Variants in ATRX observed in about 807,000 individuals in gnomAD.
ATRX encodes ATRX chromatin remodeler, also known as chromatin remodeler ATRX.
ATRX carries 12 observed loss-of-function variants against 172.6 expected under a neutral mutation model. The ratio of observed to expected loss-of-function variants is 0.07; its 90% confidence interval spans 0.04 to 0.11. ATRX has a LOEUF of 0.11. Ranked by LOEUF, ATRX falls within the 10% of genes least tolerant of loss-of-function variation. The pLI, the probability that ATRX is intolerant of heterozygous loss-of-function variation, is 1.00. For synonymous variants in ATRX, 674 were observed against 594.7 expected (o/e 1.13, Z -1.94); for missense variants, 1,368 against 1,767.4 (o/e 0.77, Z 4.05).
intron 34 of ATRX, among the ~76,000 whole-genome samples, chrX:77,509,923 G>A (rs1387748452): frequency 4.1e-5 from 3 of 74,070 alleles, no homozygotes. Context: ...GGGGGGGGGG[G>A]CACATGACCT....
chrX:77,557,610 T>C lies in ATRX; in HGVS notation c.6540A>G (p.Val2180=). The change falls in exon 30 of 35, where the codon GTA becomes GTG. Residue 2180 remains valine, a synonymous_variant. Coordinates refer to ENST00000373344, the MANE Select transcript of ATRX (RefSeq NM_000489.6). ...CTCGAAAAGACAGTGACTGCTTAGT[T>C]ACTTGCCGATCATAAATCTTATCTT... ...TMEDKIYDRQ[V]TKQSLSFRVV... is the part of the protein sequence containing the mutation. 8.3e-7 allele frequency: 1 copy of C among 1,207,074 alleles called. No homozygotes were observed. The highest frequency in any genetic ancestry group is 3.0e-5 in the East Asian group (1 of 33,802).
intron 2 of ATRX, among the ~76,000 whole-genome samples, chrX:77,704,204 T>C (rs782670121): frequency 1.8e-5 from 2 of 110,843 alleles, no homozygotes; most frequent in South Asian, 7.7e-4. Context: ...TCTGCAGCTC[T>C]CAGCAAAGAG....
intron 1 of ATRX, among the ~76,000 whole-genome samples, chrX:77,726,199 A>T (rs1271969971): frequency 9.0e-6 from 1 of 110,954 alleles, no homozygotes; most frequent in Non-Finnish European, 1.9e-5. Flanking sequence ...CACTATTCAC[A>T]ATAGCAAAGA....
chrX:77,633,718 AG>A lies in ATRX; in HGVS notation c.4810-7del. The A allele has an allele frequency of 8.3e-7, 1 of 1,205,322 alleles. No homozygotes were observed. ...GTATGAAGAAAACTTACCACCTATAAGAAAACAGATTGTCACCTTCGTTTAA... is the reference window on the plus strand; with the variant it reads ...GTATGAAGAAAACTTACCACCTATAAAAAACAGATTGTCACCTTCGTTTAA... On this transcript the variant is annotated splice_polypyrimidine_tract_variant and splice_region_variant and intron_variant, in intron 17 of 34. Transcript: ENST00000373344.
intron 30 of ATRX, among the ~76,000 whole-genome samples, chrX:77,529,162 G>A (rs2063490510): frequency 8.9e-6 from 1 of 111,891 alleles, no homozygotes; most frequent in Admixed American, 9.5e-5. Flanking sequence ...TATGTAAGGA[G>A]ACCAAACCTA....
At chrX:77,572,022 T>C (rs912206685) in intron 28 of ATRX, among the ~76,000 whole-genome samples, 11 of 112,019 alleles carry the variant, frequency 9.8e-5, no homozygotes, top group Non-Finnish European at 1.7e-4. Context: ...AATTAGAATT[T>C]ACAGAGATAT....
At chrX:77,724,070 G>A (rs1423804908) in intron 1 of ATRX, among the ~76,000 whole-genome samples, 1 of 111,029 alleles carries the variant, frequency 9.0e-6, no homozygotes, top group Admixed American at 9.6e-5. Context: ...CTTGAGGTCA[G>A]GAGTTCCAGA....
intron 34 of ATRX, among the ~76,000 whole-genome samples, chrX:77,515,729 G>T (rs145081279): frequency 1.1e-3 from 128 of 112,028 alleles, no homozygotes; most frequent in African/African-American, 4.1e-3. Context: ...GACAACTAGA[G>T]CTTTTCTCAT....
At chrX:77,554,246 A>G (rs1557057814) in intron 30 of ATRX, among the ~76,000 whole-genome samples, 1 of 111,231 alleles carries the variant, frequency 9.0e-6, no homozygotes, top group Non-Finnish European at 1.9e-5. Flanking sequence ...CGGAGGCTGC[A>G]GTGAGCCGAG....
intron 30 of ATRX, among the ~76,000 whole-genome samples, chrX:77,530,063 C>CA (rs2063519568): frequency 8.9e-6 from 1 of 111,743 alleles, no homozygotes; most frequent in Non-Finnish European, 1.9e-5. Context: ...TACTCCTCAG[C>CA]AAATGCAAAA....
chrX:77,688,775 T>C, intron 7 of ATRX, 43 bp downstream of exon 7: 1 of 1,067,750 alleles, frequency 9.4e-7, no homozygotes, highest in African/African-American at 1.8e-5. Flanking sequence ...ATGGTAAGCA[T>C]TCAAATATTT....
intron 15 of ATRX, among the ~76,000 whole-genome samples, chrX:77,637,409 A>G (rs2068435761): frequency 9.0e-6 from 1 of 111,172 alleles, no homozygotes; most frequent in African/African-American, 3.3e-5. Context: ...ACTACGCAAG[A>G]TAGGTACAAG....
At chrX:77,598,307 A>G (rs1449501244) in intron 25 of ATRX, among the ~76,000 whole-genome samples, 2 of 110,997 alleles carry the variant, frequency 1.8e-5, no homozygotes, top group African/African-American at 3.3e-5. Flanking sequence ...GAAAGGGGGC[A>G]AAGACTGAAA....
intron 22 of ATRX, among the ~76,000 whole-genome samples, chrX:77,614,438 A>C (rs2067273743): frequency 8.9e-6 from 1 of 112,214 alleles, no homozygotes; most frequent in African/African-American, 3.2e-5. Flanking sequence ...GTGATAATTT[A>C]ACAATCATAT....
At chrX:77,536,125 A>G (rs143523496) in intron 30 of ATRX, among the ~76,000 whole-genome samples, 138 of 110,393 alleles carry the variant, frequency 1.3e-3, no homozygotes, top group African/African-American at 3.1e-3. Context: ...ATTATGTACT[A>G]CATAGCCTCG....
chrX:77,534,444 T>A (rs192893329), intron 30 of ATRX, among the ~76,000 whole-genome samples: 59 of 112,003 alleles, frequency 5.3e-4, no homozygotes, highest in African/African-American at 1.9e-3. Flanking sequence ...GAAAATTTCA[T>A]CCCAATACAC....
intron 7 of ATRX, among the ~76,000 whole-genome samples, chrX:77,685,727 G>T (rs2071514323): frequency 8.9e-6 from 1 of 111,887 alleles, no homozygotes; most frequent in Non-Finnish European, 1.9e-5. Flanking sequence ...ATATCAAAGA[G>T]ATACTGGCAC....
intron 6 of ATRX, among the ~76,000 whole-genome samples, chrX:77,692,660 T>C (rs1416664672): frequency 1.2e-4 from 13 of 111,607 alleles, no homozygotes; most frequent in African/African-American, 3.3e-4. Flanking sequence ...AAATTTAGTG[T>C]CATGTTCTAT....
At chrX:77,663,856 C>A (rs1353954621) in intron 11 of ATRX, among the ~76,000 whole-genome samples, 1 of 111,649 alleles carries the variant, frequency 9.0e-6, no homozygotes, top group African/African-American at 3.3e-5. Context: ...AATCCCAGCT[C>A]TTTGGGAGGC....
Sources: gnomAD v4.1 joint callset for allele counts (sites outside exome capture counted in the v4.1 genomes callset) on GRCh38, gnomAD v4.1.1 for gene constraint, MANE v1.5 for transcripts, NCBI Gene and HGNC (gene_info 2026-07-23, HGNC 2026-07-21) for gene names.